PHKB: variants seen among roughly 807,000 people sequenced by gnomAD.
PHKB encodes phosphorylase kinase regulatory subunit beta.
In PHKB, 122 loss-of-function variants were observed where a neutral mutation model predicts 152.1. That is an observed-to-expected ratio of 0.80 (90% CI 0.69 to 0.93). PHKB has a LOEUF of 0.93. PHKB is among the 40% of genes least tolerant of loss of function. The probability of loss-of-function intolerance (pLI) is 0.00; values close to 1 mark genes in which losing one functional copy is unlikely to be tolerated. For synonymous variants in PHKB, 436 were observed against 464.9 expected, an observed-to-expected ratio of 0.94 and a Z score of 0.80; for missense variants, 1,304 against 1,328.4, an observed-to-expected ratio of 0.98 and a Z score of 0.29.
At chr16:47,552,166 C>T (rs1971283191) in intron 7 of PHKB, among the ~76,000 whole-genome samples, 1 of 152,124 alleles carries the variant, frequency 6.6e-6, no homozygotes, top group South Asian at 2.1e-4. Flanking sequence ...ACTCTTTATC[C>T]AGTTTTCCAG....
chr16:47,499,657 G>A (rs1030486430), intron 2 of PHKB, 99 bp from the exon 3 acceptor site: 24 of 1,407,200 alleles, frequency 1.7e-5, no homozygotes, highest in Admixed American at 6.7e-5. Flanking sequence ...AAACAAAATC[G>A]TCAGAAGTGG....
chr16:47,591,347 C>A (rs1035641649), intron 10 of PHKB, among the ~76,000 whole-genome samples: 1 of 152,156 alleles, frequency 6.6e-6, no homozygotes. Context: ...TTTCCCCTTA[C>A]AAACTGGCTT....
rs147426858 is a variant in PHKB at position 47,580,302 on chromosome 16, G to A, written c.718G>A (p.Gly240Ser). 75 of 1,612,092 alleles carry A rather than the reference G, an allele frequency of 4.7e-5. No individual in the cohort carries two copies. In the African/African-American group the frequency reaches 9.4e-4, roughly 20 times the overall value. Residue 240 changes from glycine (G) to serine (S), a missense_variant, in exon 8 of 31, where the codon GGT becomes AGT. Physicochemically the swap from Gly to Ser is moderately conservative, Grantham distance 56 (BLOSUM62 0). Coordinates refer to ENST00000323584, the MANE Select transcript of PHKB (RefSeq NM_000293.3). ...TTTCCTTTTCTCTTTTAGCTCGGTT[G>A]GTTTAGCAAAAGCAGCTCTAGAAGC... ...GSTELHSSSV[G>S]LAKAALEAIN... is the part of the protein sequence containing the mutation.
At chr16:47,628,414 C>T (rs1972751525) in intron 14 of PHKB, among the ~76,000 whole-genome samples, 1 of 152,146 alleles carries the variant, frequency 6.6e-6, no homozygotes, top group Admixed American at 6.5e-5. Context: ...CACCTGCAGT[C>T]CCAGCTACTT....
At chr16:47,565,972 T>C in intron 7 of PHKB, 1 of 817,132 alleles carries the variant, frequency 1.2e-6, no homozygotes, top group Non-Finnish European at 2.0e-6. Context: ...TAATCATCTC[T>C]GGAGCTCTAT....
At chr16:47,685,366 G>A (rs1418818100) in intron 26 of PHKB, among the ~76,000 whole-genome samples, 1 of 152,236 alleles carries the variant, frequency 6.6e-6, no homozygotes, top group Admixed American at 6.5e-5. Context: ...CGGAGGTTGC[G>A]GTGAGCCAAG....
chr16:47,539,694 G>A (rs1466897470), intron 6 of PHKB, among the ~76,000 whole-genome samples: 2 of 152,272 alleles, frequency 1.3e-5, no homozygotes, highest in African/African-American at 2.4e-5. Flanking sequence ...CGGAGGGACT[G>A]GCTGGAGCCA....
In PHKB at chr16:47,662,062, C is replaced by A. The variant is rs192549125; in HGVS notation, c.2278+262C>A. On this transcript the variant is annotated intron_variant, in intron 23 of 30. Transcript: ENST00000323584. ...AAAAGTATTGGAGCTTGGATTGTGC[C>A]TGTGACTGTTAACGTCTGATGAATT... 1.7e-3 allele frequency among the ~76,000 whole-genome samples: 258 copies of A among 152,270 alleles called. 2 individuals are homozygous for A. The highest frequency in any genetic ancestry group is 5.9e-3 in the African/African-American group (245 of 41,556).
chr16:47,496,069 A>G lies in PHKB; in HGVS notation c.77-1330A>G, dbSNP rs146500519. On this transcript the variant is annotated intron_variant, in intron 1 of 30. Coordinates refer to ENST00000323584, the MANE Select transcript of PHKB (RefSeq NM_000293.3). ...TTAAACTAGGATGTTGGACACAGCAATTTTATGAGCATAAAGGCTTTAATT... is the reference window on the plus strand; with the variant it reads ...TTAAACTAGGATGTTGGACACAGCAGTTTTATGAGCATAAAGGCTTTAATT... Among the ~76,000 whole-genome samples the G allele has an allele frequency of 8.6e-3, 1,311 of 152,046 alleles. 10 individuals carry two copies. The highest frequency in any genetic ancestry group is 0.014 in the Non-Finnish European group (933 of 67,982).
chr16:47,517,356 G>A (rs528010180), intron 6 of PHKB, among the ~76,000 whole-genome samples: 1 of 151,502 alleles, frequency 6.6e-6, no homozygotes, highest in East Asian at 1.9e-4. Flanking sequence ...CCTGGGCTCA[G>A]GTGATTCTCC....
At chr16:47,660,109 G>T (rs905015473) in intron 20 of PHKB, among the ~76,000 whole-genome samples, 4 of 152,084 alleles carry the variant, frequency 2.6e-5, no homozygotes, top group African/African-American at 9.7e-5. Flanking sequence ...TGATCCACCC[G>T]CCTTGACACC....
intron 20 of PHKB, among the ~76,000 whole-genome samples, chr16:47,658,243 C>G (rs540727189): frequency 5.3e-5 from 8 of 152,142 alleles, no homozygotes; most frequent in African/African-American, 1.9e-4. Flanking sequence ...TTGCCACTCC[C>G]AGCCCTGTAC....
intron 1 of PHKB, among the ~76,000 whole-genome samples, chr16:47,488,843 C>T (rs879728423): frequency 9.2e-5 from 14 of 151,988 alleles, no homozygotes; most frequent in Admixed American, 3.3e-4. Context: ...TTTTGGTTAC[C>T]GTAGCTGCCT....
At chr16:47,593,459 A>C (rs768524257) in intron 10 of PHKB, 41 bp from the exon 11 acceptor site, 3 of 1,004,196 alleles carry the variant, frequency 3.0e-6, no homozygotes, top group Non-Finnish European at 3.1e-6. Flanking sequence ...ATAATAATTT[A>C]ATTGTTAGTG....
intron 7 of PHKB, among the ~76,000 whole-genome samples, chr16:47,549,955 G>T (rs371115261): frequency 6.6e-6 from 1 of 152,064 alleles, no homozygotes; most frequent in Non-Finnish European, 1.5e-5. Context: ...GGCCGATTTT[G>T]TTCAAATGGA....
rs1487936774 is a variant in PHKB at position 47,664,904 on chromosome 16, G to A, written c.2356G>A (p.Ala786Thr). ...QKLWLAVRYG[A>T]AFTQKFSSSI... is the part of the protein sequence containing the mutation. Reference sequence around the variant, plus strand: ...ACCCAGGTTGGCGGTGCGCTACGGGGCTGCATTTACCCAGAAATTTTCTTC... The same window carrying A: ...ACCCAGGTTGGCGGTGCGCTACGGGACTGCATTTACCCAGAAATTTTCTTC... The change falls in exon 25 of 31, where the codon GCT becomes ACT. Residue 786 changes from alanine (A) to threonine (T), a missense_variant. By Grantham distance (58) the Ala-to-Thr change is moderately conservative. Transcript: ENST00000323584. 6.2e-7 allele frequency: 1 copy of A among 1,613,532 alleles called. No individual in the cohort carries two copies. The highest frequency in any genetic ancestry group is 1.7e-5 in the Admixed American group (1 of 59,994).
intron 7 of PHKB, chr16:47,547,840 A>G (rs1431456828): frequency 2.8e-6 from 1 of 357,848 alleles, no homozygotes. Flanking sequence ...TGCTCAACCA[A>G]GTCATTTTCT....
chr16:47,558,357 A>G (rs572752412), intron 7 of PHKB, among the ~76,000 whole-genome samples: 26 of 152,268 alleles, frequency 1.7e-4, no homozygotes, highest in African/African-American at 5.8e-4. Flanking sequence ...CGTTGTGCAC[A>G]TGTACCCTAA....
Position 47,623,519 on chromosome 16 carries a change from G to C in PHKB, c.1458+12599G>C, listed in dbSNP as rs371240377. On this transcript the variant is annotated intron_variant, in intron 14 of 30. Transcript: ENST00000323584. The stretch of plus-strand genomic sequence containing the variant: ...TTTTTTGGTTCCATTTTTTAATGGA[G>C]CTAATTTTTTAATTAGCTCCATATA... Among the ~76,000 whole-genome samples the C allele has an allele frequency of 3.4e-5, 5 of 146,212 alleles. No individual in the cohort carries two copies. In the East Asian group the frequency reaches 8.0e-4, roughly 23 times the overall value.
Sources: allele counts gnomAD v4.1 joint callset (sites outside exome capture counted in the v4.1 genomes callset), GRCh38; gene constraint gnomAD v4.1.1; transcripts MANE v1.5; gene names NCBI Gene and HGNC (gene_info 2026-07-23, HGNC 2026-07-21).